INSC: variants seen among roughly 807,000 people sequenced by gnomAD.
INSC encodes INSC spindle orientation adaptor protein.
Under a neutral mutation model 58.6 loss-of-function variants are expected in INSC, and 67 were observed. The observed-to-expected ratio is 1.14, with a 90% CI of 0.94 to 1.40. The LOEUF is 1.40. Ranked by LOEUF, INSC falls within the 40% of genes most tolerant of loss-of-function variation. The pLI is 0.00. For missense variants in INSC, 714 were observed against 692.0 expected, an observed-to-expected ratio of 1.03 and a Z score of -0.36; for synonymous variants, 262 against 276.1, an observed-to-expected ratio of 0.95 and a Z score of 0.51.
intron 6 of INSC, among the ~76,000 whole-genome samples, chr11:15,192,334 G>A (rs1339929084): frequency 2.6e-5 from 4 of 152,162 alleles, no homozygotes; most frequent in Non-Finnish European, 5.9e-5. Flanking sequence ...TGTTTTGAAT[G>A]TCCTCTCTTT....
At chr11:15,242,533 C>T (rs928761076) in intron 12 of INSC, among the ~76,000 whole-genome samples, 6 of 152,238 alleles carry the variant, frequency 3.9e-5, no homozygotes, top group South Asian at 2.1e-4. Context: ...TCCATCTGTT[C>T]GGCCCTTCTC....
chr11:15,239,232 G>C (rs532408130), intron 11 of INSC, among the ~76,000 whole-genome samples, 158 bp downstream of exon 11: 1 of 152,154 alleles, frequency 6.6e-6, no homozygotes, highest in Admixed American at 6.5e-5. Flanking sequence ...GGGTGCAGCC[G>C]CTGGTCTAGT....
At chr11:15,114,874 T>G (rs868524866), upstream of INSC, 6,347 of 779,232 alleles carry the variant, frequency 8.1e-3, 285 homozygotes, top group African/African-American at 0.24. Context: ...GGGCGGGGGG[T>G]GGGGCGGGGG....
intron 6 of INSC, among the ~76,000 whole-genome samples, chr11:15,195,676 C>T (rs1248560032): frequency 6.6e-6 from 1 of 152,166 alleles, no homozygotes; most frequent in Non-Finnish European, 1.5e-5. Context: ...AGGACCAGGC[C>T]TTAACTCCAG....
Position 15,246,030 on chromosome 11 carries a change from G to A in INSC, c.1589G>A (p.Ser530Asn), listed in dbSNP as rs1852551813. Residue 530 changes from serine to asparagine, a missense_variant, in exon 13 of 13, where the codon AGT (serine) becomes AAT (asparagine). By Grantham distance (46) the Ser-to-Asn change is conservative. Transcript: ENST00000379556. ...SFLLCSNMEE[S>N]FV ...TTACTCTGCAGCAACATGGAGGAGA[G>A]TTTTGTGTAGTGAGTGTGGGCGAAG... 3.1e-6 allele frequency: 5 copies of A among 1,614,066 alleles called. No homozygotes were observed. The highest frequency in any genetic ancestry group is 4.2e-6 in the Non-Finnish European group (5 of 1,180,012).
At chr11:15,211,009 G>T (rs1851004892) in intron 7 of INSC, among the ~76,000 whole-genome samples, 1 of 152,010 alleles carries the variant, frequency 6.6e-6, no homozygotes, top group African/African-American at 2.4e-5. Context: ...GGGTCCTCTG[G>T]TCACCCACAG....
intron 6 of INSC, among the ~76,000 whole-genome samples, chr11:15,194,455 CA>C (rs1380041846): frequency 6.6e-6 from 1 of 152,196 alleles, no homozygotes; most frequent in African/African-American, 2.4e-5. Flanking sequence ...TTCATTTTAA[CA>C]AGCCCTACAA....
At chr11:15,216,690 A>C (rs1851232048) in intron 7 of INSC, among the ~76,000 whole-genome samples, 1 of 152,232 alleles carries the variant, frequency 6.6e-6, no homozygotes, top group African/African-American at 2.4e-5. Flanking sequence ...TGACTGATGG[A>C]TGTCTAAACA....
chr11:15,145,621 A>C (rs76322194), intron 1 of INSC, among the ~76,000 whole-genome samples: 4,929 of 152,218 alleles, frequency 0.032, 277 homozygotes, highest in African/African-American at 0.11. Flanking sequence ...CCCTCCCCTG[A>C]TCCCTTTAGG....
intron 1 of INSC, among the ~76,000 whole-genome samples, chr11:15,147,140 G>A (rs1848512122): frequency 6.6e-6 from 1 of 152,208 alleles, no homozygotes; most frequent in Admixed American, 6.5e-5. Flanking sequence ...ACCCTGAGAA[G>A]TTGGTGTTTT....
At chr11:15,170,169 T>G (rs1479611279) in intron 2 of INSC, among the ~76,000 whole-genome samples, 2 of 152,214 alleles carry the variant, frequency 1.3e-5, no homozygotes, top group African/African-American at 2.4e-5. Flanking sequence ...TATCATATTG[T>G]TATTTTTTGT....
chr11:15,146,065 T>C (rs1564868151), intron 1 of INSC, among the ~76,000 whole-genome samples: 1 of 152,254 alleles, frequency 6.6e-6, no homozygotes, highest in African/African-American at 2.4e-5. Flanking sequence ...AGGATGATGA[T>C]GGCATTAAAC....
intron 9 of INSC, among the ~76,000 whole-genome samples, chr11:15,233,260 C>T (rs192926979): frequency 1.3e-5 from 2 of 152,166 alleles, no homozygotes; most frequent in Non-Finnish European, 2.9e-5. Context: ...TGAACATCAT[C>T]AAACAAGACT....
chr11:15,220,262 T>C (rs1031697666), intron 7 of INSC, among the ~76,000 whole-genome samples: 5 of 152,074 alleles, frequency 3.3e-5, no homozygotes, highest in African/African-American at 1.2e-4. Context: ...GGGCTGCTCC[T>C]CACCCCACCT....
chr11:15,239,512 A>T (rs1364798068), intron 11 of INSC, among the ~76,000 whole-genome samples: 1 of 152,160 alleles, frequency 6.6e-6, no homozygotes, highest in Non-Finnish European at 1.5e-5. Flanking sequence ...TTCACCCATT[A>T]ACATGCTCAT....
upstream of INSC, chr11:15,112,479 C>A: frequency 6.2e-7 from 1 of 1,607,262 alleles, no homozygotes; most frequent in Non-Finnish European, 8.5e-7. Context: ...CATGAGACGG[C>A]CCCCTGGCAA....
chr11:15,130,715 T>C (rs1406490164), intron 1 of INSC, among the ~76,000 whole-genome samples: 1 of 152,200 alleles, frequency 6.6e-6, no homozygotes, highest in Non-Finnish European at 1.5e-5. Context: ...ACGGGAAGAT[T>C]TTCAACTATT....
chr11:15,265,967 G>T, the INSC span, among the ~76,000 whole-genome samples: 1 of 150,898 alleles, frequency 6.6e-6, no homozygotes, highest in Non-Finnish European at 1.5e-5. Context: ...GAGTCTTGTG[G>T]TTCTCTCAGG....
At chr11:15,208,049 G>T (rs2133899762) in intron 7 of INSC, among the ~76,000 whole-genome samples, 1 of 152,320 alleles carries the variant, frequency 6.6e-6, no homozygotes, top group Non-Finnish European at 1.5e-5. Flanking sequence ...CTACTTTCTT[G>T]CTAGAGTTGG....
Sources: allele counts gnomAD v4.1 joint callset (sites outside exome capture counted in the v4.1 genomes callset), GRCh38; gene constraint gnomAD v4.1.1; transcripts MANE v1.5; gene names NCBI Gene and HGNC (gene_info 2026-07-23, HGNC 2026-07-21).